The following XRRA1 variants were observed in gnomAD, a reference collection of about 807,000 sequenced individuals.
The protein encoded by XRRA1 is X-ray radiation resistance-associated protein 1.
A neutral mutation model predicts 80.2 loss-of-function variants in XRRA1; 69 were observed. That is an observed-to-expected ratio of 0.86 (90% CI 0.71 to 1.05). The LOEUF is 1.05. Ranked by LOEUF, XRRA1 falls within the 50% of genes least tolerant of loss-of-function variation. The probability of loss-of-function intolerance (pLI) is 0.00; values close to 1 mark genes in which losing one functional copy is unlikely to be tolerated. For synonymous variants in XRRA1, 348 were observed against 389.9 expected, an observed-to-expected ratio of 0.89 and a Z score of 1.27; for missense variants, 967 against 976.4, an observed-to-expected ratio of 0.99 and a Z score of 0.13.
At chr11:74,934,749 C>T (rs985619783) in intron 4 of XRRA1, among the ~76,000 whole-genome samples, 3 of 152,164 alleles carry the variant, frequency 2.0e-5, no homozygotes, top group African/African-American at 4.8e-5. Flanking sequence ...TATAAGTCCA[C>T]GCTGGCTCTA....
intron 10 of XRRA1, among the ~76,000 whole-genome samples, chr11:74,902,883 CTTTAATTTAATTGTACA>C (rs2053832624): frequency 6.6e-6 from 1 of 152,048 alleles, no homozygotes; most frequent in Non-Finnish European, 1.5e-5. Context: ...GTCAATAATA[CTTTAATTTAATTGTACA>C]TTTAAAAATA....
intron 15 of XRRA1, among the ~76,000 whole-genome samples, chr11:74,847,134 G>T (rs1449239807): frequency 6.6e-6 from 1 of 151,962 alleles, no homozygotes; most frequent in Non-Finnish European, 1.5e-5. Context: ...CTTTTAAAAT[G>T]CTTATTTATA....
At chr11:74,934,883 T>C (rs575344368) in intron 4 of XRRA1, among the ~76,000 whole-genome samples, 8 of 152,238 alleles carry the variant, frequency 5.3e-5, no homozygotes, top group Middle Eastern at 3.4e-3. Flanking sequence ...GTACATCACA[T>C]AGATGAGAAG....
At chr11:74,853,811 G>T (rs2040450035) in intron 12 of XRRA1, among the ~76,000 whole-genome samples, 1 of 152,174 alleles carries the variant, frequency 6.6e-6, no homozygotes, top group Admixed American at 6.5e-5. Flanking sequence ...GTTTAAAGAA[G>T]GCTAGTGTGA....
intron 8 of XRRA1, among the ~76,000 whole-genome samples, chr11:74,915,214 G>A (rs981233009): frequency 1.3e-5 from 2 of 152,254 alleles, no homozygotes; most frequent in Non-Finnish European, 2.9e-5. Context: ...TGATTCACGG[G>A]CAGTGGCTGA....
intron 6 of XRRA1, 144 bp from the exon 7 acceptor site, chr11:74,927,632 A>G (rs550519589): frequency 2.0e-6 from 1 of 502,256 alleles, no homozygotes; most frequent in East Asian, 3.3e-5. Flanking sequence ...TAAATCTCTA[A>G]CAACCCAGAA....
At chr11:74,850,704 T>TTTTTG (rs1555016315) in intron 14 of XRRA1, among the ~76,000 whole-genome samples, 1 of 152,190 alleles carries the variant, frequency 6.6e-6, no homozygotes, top group East Asian at 1.9e-4. Context: ...GCTATTCTTT[T>TTTTTG]TTTTGTTTTG....
At chr11:74,870,696 C>T (rs1480773962) in intron 10 of XRRA1, among the ~76,000 whole-genome samples, 1 of 152,182 alleles carries the variant, frequency 6.6e-6, no homozygotes, top group Non-Finnish European at 1.5e-5. Flanking sequence ...TAGAAATCCT[C>T]TCCATGAGGT....
chr11:74,942,924 G>A (rs1048721158), intron 2 of XRRA1, among the ~76,000 whole-genome samples: 2 of 152,212 alleles, frequency 1.3e-5, no homozygotes, highest in African/African-American at 4.8e-5. Flanking sequence ...GGAGAGAGAT[G>A]GGCAGACCCG....
chr11:74,852,265 C>G (rs1268558640), intron 12 of XRRA1, among the ~76,000 whole-genome samples, 183 bp from the exon 13 acceptor site: 1 of 152,168 alleles, frequency 6.6e-6, no homozygotes, highest in African/African-American at 2.4e-5. Flanking sequence ...AATACCTACT[C>G]ATGCACAGAG....
intron 10 of XRRA1, chr11:74,876,321 C>G (rs969822306): frequency 6.6e-6 from 1 of 152,168 alleles, no homozygotes; most frequent in Non-Finnish European, 1.5e-5. Context: ...CACTCTTCTT[C>G]CCATGGCTTT....
intron 1 of XRRA1, among the ~76,000 whole-genome samples, chr11:74,946,329 T>G (rs542156875): frequency 1.2e-4 from 18 of 152,090 alleles, no homozygotes; most frequent in Non-Finnish European, 2.4e-4. Flanking sequence ...ATCCCCATAA[T>G]CCCCATGTGT....
Position 74,906,333 on chromosome 11 carries a change from T to C in XRRA1, c.909A>G (p.Gln303=), listed in dbSNP as rs200854594. 2.3e-4 allele frequency: 372 copies of C among 1,614,020 alleles called. 3 individuals are homozygous for C. Among genetic ancestry groups the C allele is most frequent in the African/African-American group, 4.9e-4 (37 of 75,064 alleles). ...TCCTTGGCTTGGACTGCAGCATGAA[T>C]TGGGGCTCTTTATGGGGACTTCCCC... ...GGRGSPHKEP[Q]FMLQSKPRML... The change falls in exon 10 of 19, where the codon CAA becomes CAG. Residue 303 remains glutamine, a synonymous_variant. Coordinates refer to ENST00000684022, the MANE Select transcript of XRRA1 (RefSeq NM_001378157.1).
chr11:74,847,897 AT>A (rs2038718986), intron 15 of XRRA1, among the ~76,000 whole-genome samples: 1 of 152,210 alleles, frequency 6.6e-6, no homozygotes, highest in Admixed American at 6.5e-5. Flanking sequence ...ACCATGACTT[AT>A]CCCCATGGGT....
intron 8 of XRRA1, among the ~76,000 whole-genome samples, chr11:74,915,317 T>TA (rs1938256170): frequency 6.6e-6 from 1 of 152,170 alleles, no homozygotes; most frequent in South Asian, 2.1e-4. Flanking sequence ...TCAGAATGGA[T>TA]AGAGTGTGAA....
intron 10 of XRRA1, among the ~76,000 whole-genome samples, chr11:74,872,650 T>C (rs2045106183): frequency 6.6e-6 from 1 of 152,062 alleles, no homozygotes; most frequent in South Asian, 2.1e-4. Context: ...GAGATCAGAC[T>C]GCCCCTGGAG....
At position 74,845,190 on chromosome 11, in the gene XRRA1, G is replaced by A. The variant is rs553672281; in HGVS notation, c.1810C>T (p.Pro604Ser). The change falls in exon 16 of 19, where the codon CCC (proline) becomes TCC (serine). Residue 604 changes from proline to serine, a missense_variant. Coordinates refer to ENST00000684022, the MANE Select transcript of XRRA1 (RefSeq NM_001378157.1). ...CTCCGAGTCCCTTTCACCTCTCTGG[G>A]TGCCGTTGGTGGTTTCTTTTGGTCT... is the stretch of plus-strand genomic sequence containing the variant. ...EKDQKKPPTA[P>S]REVKGTRRKL... The A allele has an allele frequency of 6.2e-7, 1 of 1,614,080 alleles. No individual in the cohort carries two copies. Among genetic ancestry groups the A allele is most frequent in the East Asian group, 2.2e-5 (1 of 44,878 alleles).
At chr11:74,872,229 G>A (rs1590817488) in intron 10 of XRRA1, among the ~76,000 whole-genome samples, 1 of 152,292 alleles carries the variant, frequency 6.6e-6, no homozygotes, top group East Asian at 1.9e-4. Flanking sequence ...GAATCCTGCA[G>A]CCTTTATGGA....
rs973611247 is a variant in XRRA1 at position 74,946,482 on chromosome 11, T to C, written c.-72-1397A>G. Reference sequence around the variant, plus strand: ...TCACACTCTTGCCCTCTCTTGCCTGTTGCCATGTAAGACTTGCCTCTTCCC... The same window carrying C: ...TCACACTCTTGCCCTCTCTTGCCTGCTGCCATGTAAGACTTGCCTCTTCCC... On this transcript the variant is annotated intron_variant, in intron 1 of 18. Transcript: ENST00000684022. 9.8e-4 allele frequency among the ~76,000 whole-genome samples: 149 copies of C among 152,354 alleles called. 1 individual carries two copies. Among genetic ancestry groups the C allele is most frequent in the African/African-American group, 3.5e-3 (145 of 41,590 alleles).
Sources: allele counts gnomAD v4.1 joint callset (sites outside exome capture counted in the v4.1 genomes callset), GRCh38; gene constraint gnomAD v4.1.1; transcripts MANE v1.5; gene names NCBI Gene and HGNC (gene_info 2026-07-23, HGNC 2026-07-21).